CAPS2: variants seen among roughly 807,000 people sequenced by gnomAD.
The protein encoded by CAPS2 is calcyphosin-2.
A neutral mutation model predicts 86.5 loss-of-function variants in CAPS2; 98 were observed. The ratio of observed to expected loss-of-function variants is 1.13; its 90% CI spans 0.96 to 1.34. The LOEUF (loss-of-function observed/expected upper bound fraction) is 1.34, where lower values mean the gene tolerates loss of function less well. CAPS2 is among the 40% of genes most tolerant of loss of function. CAPS2 has a pLI of 0.00. For synonymous variants in CAPS2, 210 were observed against 225.1 expected, an observed-to-expected ratio of 0.93 and a Z score of 0.60; for missense variants, 729 against 686.8, an observed-to-expected ratio of 1.06 and a Z score of -0.69.
At chr12:75,374,894 G>C (rs530438774) in intron 1 of CAPS2, among the ~76,000 whole-genome samples, 14 of 152,092 alleles carry the variant, frequency 9.2e-5, no homozygotes, top group Non-Finnish European at 1.9e-4. Context: ...GTCAACACTT[G>C]GTTAAGCCTA....
At chr12:75,377,074 A>G (rs2044690487) in intron 1 of CAPS2, among the ~76,000 whole-genome samples, 1 of 152,216 alleles carries the variant, frequency 6.6e-6, no homozygotes, top group Non-Finnish European at 1.5e-5. Flanking sequence ...AGAGCATTGA[A>G]TCAGGAGTAT....
chr12:75,334,656 G>T (rs968067186), upstream of CAPS2: 13 of 1,556,124 alleles, frequency 8.4e-6, no homozygotes, highest in Admixed American at 1.1e-4. Context: ...GCGGGGGCGT[G>T]GGGAAATCGG....
chr12:75,328,074 T>C (rs901541605), upstream of CAPS2, among the ~76,000 whole-genome samples: 2 of 151,994 alleles, frequency 1.3e-5, no homozygotes, highest in African/African-American at 4.8e-5. Context: ...TACAAATCAT[T>C]AGATTCAAAA....
chr12:75,305,358 G>T, intron 7 of CAPS2: 1 of 365,530 alleles, frequency 2.7e-6, no homozygotes, highest in Non-Finnish European at 5.1e-6. Context: ...AAAGGTGAGA[G>T]TACAAGACTT....
At chr12:75,359,968 A>G (rs1345081561) in intron 1 of CAPS2, 3 of 152,192 alleles carry the variant, frequency 2.0e-5, no homozygotes, top group Non-Finnish European at 4.4e-5. Context: ...GCATAAGGCA[A>G]AGGGGAAACA....
intron 11 of CAPS2, 153 bp downstream of exon 11, chr12:75,298,534 A>G (rs996589015): frequency 3.7e-6 from 2 of 547,398 alleles, no homozygotes; most frequent in African/African-American, 3.7e-5. Context: ...AGCTCCTGGC[A>G]AAACATCAAC....
At chr12:75,299,286 C>T (rs769147167) in intron 9 of CAPS2, among the ~76,000 whole-genome samples, 6 of 151,954 alleles carry the variant, frequency 3.9e-5, no homozygotes, top group Admixed American at 6.6e-5. Context: ...AAGAAGGCAC[C>T]CATAGATACA....
chr12:75,295,828 T>C (rs1206076522), intron 11 of CAPS2, among the ~76,000 whole-genome samples: 2 of 152,220 alleles, frequency 1.3e-5, no homozygotes, highest in Non-Finnish European at 1.5e-5. Context: ...CAGTCTTTAA[T>C]CTTTTAGATC....
intron 8 of CAPS2, among the ~76,000 whole-genome samples, chr12:75,302,153 A>G (rs1239208077): frequency 2.0e-5 from 3 of 152,216 alleles, no homozygotes; most frequent in South Asian, 2.1e-4. Flanking sequence ...TATGTAGCAG[A>G]ACTCTCTCCT....
At chr12:75,290,888 C>T (rs1306932675) in intron 13 of CAPS2, among the ~76,000 whole-genome samples, 1 of 150,210 alleles carries the variant, frequency 6.7e-6, no homozygotes, top group Non-Finnish European at 1.5e-5. Context: ...TGTACTATTG[C>T]ACTCCAGCCC....
At chr12:75,343,256 G>C in intron 1 of CAPS2, among the ~76,000 whole-genome samples, 1 of 151,824 alleles carries the variant, frequency 6.6e-6, no homozygotes, top group East Asian at 1.9e-4. Flanking sequence ...TAAGATTTTT[G>C]TCTGTTTGTT....
intron 15 of CAPS2, among the ~76,000 whole-genome samples, chr12:75,284,291 C>T (rs919287763): frequency 2.0e-5 from 3 of 152,050 alleles, no homozygotes; most frequent in Admixed American, 6.6e-5. Flanking sequence ...TAGTTATTTA[C>T]ATTATATAGA....
At chr12:75,329,245 C>T (rs532637066), upstream of CAPS2, among the ~76,000 whole-genome samples, 5 of 152,306 alleles carry the variant, frequency 3.3e-5, no homozygotes, top group East Asian at 9.6e-4. Context: ...AAACAACTGG[C>T]TGTGAGTGAA....
upstream of CAPS2, among the ~76,000 whole-genome samples, chr12:75,331,231 T>C (rs181734292): frequency 6.4e-3 from 970 of 152,340 alleles, 7 homozygotes; most frequent in Non-Finnish European, 8.8e-3. Flanking sequence ...AAGAGTCAGA[T>C]ATTCAAATTA....
In CAPS2 at chr12:75,312,889, T is replaced by G. The variant is rs146909299; in HGVS notation, c.618A>C (p.Lys206Asn). 8,905 of 1,607,766 alleles carry G rather than the reference T, an allele frequency of 5.5e-3. 48 individuals carry two copies. The highest frequency in any genetic ancestry group is 6.7e-3 in the Non-Finnish European group (7,885 of 1,174,966). Residue 206 changes from lysine (K) to asparagine (N), a missense_variant, in exon 7 of 17, where the codon AAA (lysine) becomes AAC (asparagine). Coordinates refer to ENST00000393284, the Ensembl canonical transcript of CAPS2. ...TCATCACTTGCTCTGCAACAATCTG[T>G]TTCTTCTTCTCTGCAGCCACAATTT...
exon 17 of CAPS2, chr12:75,279,048 C>T (rs755511840): frequency 6.3e-7 from 1 of 1,596,530 alleles, no homozygotes; most frequent in African/African-American, 1.3e-5. Context: ...GATTTGATTT[C>T]TTCCTCTGTT....
intron 1 of CAPS2, among the ~76,000 whole-genome samples, chr12:75,361,794 C>T (rs1367731706): frequency 6.6e-6 from 1 of 152,098 alleles, no homozygotes; most frequent in African/African-American, 2.4e-5. Context: ...AATCCAATCA[C>T]CTCCCTCCCT....
chr12:75,374,314 T>C (rs1319923466), intron 1 of CAPS2, among the ~76,000 whole-genome samples: 1 of 152,182 alleles, frequency 6.6e-6, no homozygotes, highest in Non-Finnish European at 1.5e-5. Flanking sequence ...TGGGCCAGAG[T>C]AACACACCCA....
intron 1 of CAPS2, among the ~76,000 whole-genome samples, chr12:75,375,232 T>A (rs2044588738): frequency 6.6e-6 from 1 of 152,120 alleles, no homozygotes; most frequent in African/African-American, 2.4e-5. Context: ...GACCACAAGA[T>A]TCATCCAGGG....
Sources: allele counts gnomAD v4.1 joint callset (sites outside exome capture counted in the v4.1 genomes callset), GRCh38; gene constraint gnomAD v4.1.1; transcripts MANE v1.5; gene names NCBI Gene and HGNC (gene_info 2026-07-23, HGNC 2026-07-21).